BLMH: variants seen among roughly 807,000 people sequenced by gnomAD.
BLMH encodes BLM hydrolase.
In BLMH, 32 loss-of-function variants were observed where a neutral mutation model predicts 61.6. The ratio of observed to expected loss-of-function variants is 0.52; its 90% confidence interval spans 0.39 to 0.70. BLMH has a LOEUF of 0.70. BLMH is among the 30% of genes least tolerant of loss of function. The pLI is 0.00. For synonymous variants in BLMH, 183 were observed against 193.8 expected (o/e 0.94, Z 0.46); for missense variants, 460 against 555.5 (o/e 0.83, Z 1.73).
intron 10 of BLMH, 143 bp from the exon 11 acceptor site, chr17:30,267,097 T>C: frequency 1.5e-6 from 1 of 655,744 alleles, no homozygotes; most frequent in Non-Finnish European, 2.7e-6. Flanking sequence ...CAGCCTGCTC[T>C]AAACAGTACT....
chr17:30,291,198 G>T, intron 2 of BLMH, 113 bp downstream of exon 2: 4 of 1,331,798 alleles, frequency 3.0e-6, no homozygotes, highest in Non-Finnish European at 4.1e-6. Context: ...CATTCTTTAC[G>T]AATTTACGAC....
chr17:30,266,791 G>A, intron 11 of BLMH, 94 bp downstream of exon 11: 1 of 1,160,044 alleles, frequency 8.6e-7, no homozygotes, highest in Non-Finnish European at 1.3e-6. Context: ...GCCAATTACT[G>A]AGAAATCCTC....
intron 6 of BLMH, among the ~76,000 whole-genome samples, chr17:30,284,284 GC>G (rs1202386812): frequency 6.6e-6 from 1 of 152,220 alleles, no homozygotes; most frequent in Non-Finnish European, 1.5e-5. Context: ...TATGAACTGA[GC>G]CTTTAGAGCT....
At chr17:30,253,599 T>C (rs991440029) in intron 11 of BLMH, among the ~76,000 whole-genome samples, 1 of 152,172 alleles carries the variant, frequency 6.6e-6, no homozygotes, top group African/African-American at 2.4e-5. Context: ...AGGATTCGGC[T>C]GGCCCTTTTG....
At position 30,272,998 on chromosome 17, in the gene BLMH, C is replaced by A. The variant is rs1908316840; in HGVS notation, c.802-99G>T. 2.2e-6 allele frequency: 3 copies of A among 1,350,354 alleles called. No individual in the cohort carries two copies. The East Asian group carries it at 6.9e-5, about 31-fold the overall frequency. 83.6% of individuals were successfully genotyped at this position (1,350,354 alleles called of 1,614,324 possible). A position where few individuals can be genotyped will look rare whatever the true frequency, so the allele number is the denominator to read the frequency against. ...TTCATGTTTCCATCAAGCTCATCAT[C>A]TCTGCCTACAAGCTAAGTACTACAG... On this transcript the variant is annotated intron_variant, in intron 7 of 11. Transcript: ENST00000261714.
chr17:30,267,675 CACA>C (rs1239640706), intron 10 of BLMH, among the ~76,000 whole-genome samples: 2 of 152,178 alleles, frequency 1.3e-5, no homozygotes, highest in Non-Finnish European at 2.9e-5. Flanking sequence ...TGATACTCAT[CACA>C]ACAACCTTCA....
At chr17:30,283,792 C>T (rs1300559936) in intron 6 of BLMH, among the ~76,000 whole-genome samples, 1 of 152,032 alleles carries the variant, frequency 6.6e-6, no homozygotes, top group East Asian at 1.9e-4. Flanking sequence ...AGTGCTGAGA[C>T]TGCAGGCATG....
At chr17:30,282,406 C>T (rs544022625) in intron 6 of BLMH, among the ~76,000 whole-genome samples, 43 of 152,012 alleles carry the variant, frequency 2.8e-4, no homozygotes, top group Non-Finnish European at 5.6e-4. Context: ...TTAGTAGAGA[C>T]GGGGTTTTGC....
At chr17:30,271,056 C>T (rs965251974) in intron 10 of BLMH, among the ~76,000 whole-genome samples, 2 of 152,218 alleles carry the variant, frequency 1.3e-5, no homozygotes, top group African/African-American at 2.4e-5. Flanking sequence ...TCGCTCCCTG[C>T]TGACCCAAAT....
chr17:30,274,463 A>C (rs1167318681), intron 6 of BLMH, among the ~76,000 whole-genome samples: 1 of 152,190 alleles, frequency 6.6e-6, no homozygotes, highest in Non-Finnish European at 1.5e-5. Flanking sequence ...TTGTCCTGAA[A>C]ATTTAAACTT....
intron 6 of BLMH, among the ~76,000 whole-genome samples, chr17:30,274,935 T>C (rs1039969192): frequency 6.7e-6 from 1 of 148,544 alleles, no homozygotes; most frequent in Non-Finnish European, 1.5e-5. Context: ...GCCATGATCG[T>C]GCCACTACAC....
chr17:30,272,084 A>G (rs953967239), intron 9 of BLMH, among the ~76,000 whole-genome samples: 1 of 152,236 alleles, frequency 6.6e-6, no homozygotes, highest in Non-Finnish European at 1.5e-5. Flanking sequence ...AAGGAATCCT[A>G]TATGATTTAG....
intron 6 of BLMH, among the ~76,000 whole-genome samples, chr17:30,275,442 T>C (rs555205861): frequency 2.6e-5 from 4 of 152,102 alleles, no homozygotes; most frequent in Admixed American, 2.6e-4. Context: ...AGGTGGATCA[T>C]GAGGTCAGGA....
chr17:30,258,545 C>G (rs1309501970), intron 11 of BLMH, among the ~76,000 whole-genome samples: 2 of 151,988 alleles, frequency 1.3e-5, no homozygotes, highest in Admixed American at 1.3e-4. Flanking sequence ...ATTTTTTAAA[C>G]CATTAAACCA....
At chr17:30,252,290 A>C (rs1182421755) in intron 11 of BLMH, 1 of 152,184 alleles carries the variant, frequency 6.6e-6, no homozygotes, top group East Asian at 1.9e-4. Flanking sequence ...GGCATTATTT[A>C]ACCTGAAAAC....
intron 6 of BLMH, among the ~76,000 whole-genome samples, chr17:30,274,647 T>C (rs1288759608): frequency 6.6e-6 from 1 of 152,120 alleles, no homozygotes; most frequent in Non-Finnish European, 1.5e-5. Context: ...GTAACTAATT[T>C]TTCAGCTGGA....
chr17:30,282,219 G>GTTTTTT (rs74886535), intron 6 of BLMH, among the ~76,000 whole-genome samples: 5 of 122,222 alleles, frequency 4.1e-5, no homozygotes, highest in Admixed American at 8.2e-5. Flanking sequence ...AACAGACAAG[G>GTTTTTT]TTTTTTTTTT....
At chr17:30,282,219 GTTT>G (rs74886535) in intron 6 of BLMH, among the ~76,000 whole-genome samples, 4 of 122,212 alleles carry the variant, frequency 3.3e-5, no homozygotes, top group South Asian at 2.6e-4. Flanking sequence ...AACAGACAAG[GTTT>G]TTTTTTTTTT....
intron 9 of BLMH, among the ~76,000 whole-genome samples, chr17:30,271,820 TATTTTTGC>T (rs1392170773): frequency 6.6e-6 from 1 of 152,204 alleles, no homozygotes; most frequent in African/African-American, 2.4e-5. Flanking sequence ...TATTGGGGAA[TATTTTTGC>T]ATAAGCACTA....
Sources: allele counts gnomAD v4.1 joint callset (sites outside exome capture counted in the v4.1 genomes callset), GRCh38; gene constraint gnomAD v4.1.1; transcripts MANE v1.5; gene names NCBI Gene and HGNC (gene_info 2026-07-23, HGNC 2026-07-21).